The following RPH3A variants were observed in gnomAD, a reference collection of about 807,000 sequenced individuals.
The protein encoded by RPH3A is rabphilin 3A, also known as rabphilin-3A.
Under a neutral mutation model 102.2 loss-of-function variants are expected in RPH3A, and 48 were observed. That is an observed-to-expected ratio of 0.47 (90% confidence interval 0.37 to 0.60). The LOEUF (loss-of-function observed/expected upper bound fraction) is 0.60, where lower values mean the gene tolerates loss of function less well. RPH3A is among the 20% of genes least tolerant of loss of function. The pLI, the probability that RPH3A is intolerant of heterozygous loss-of-function variation, is 0.00. For missense variants in RPH3A, 781 were observed against 910.1 expected, an observed-to-expected ratio of 0.86 and a Z score of 1.83; for synonymous variants, 310 against 324.3, an observed-to-expected ratio of 0.96 and a Z score of 0.47.
At chr12:112,891,773 G>C (rs547588975) in intron 19 of RPH3A, among the ~76,000 whole-genome samples, 2 of 152,338 alleles carry the variant, frequency 1.3e-5, no homozygotes, top group East Asian at 3.9e-4. Flanking sequence ...CCAGTCATTG[G>C]CTGGGAGCAT....
chr12:112,875,037 G>A (rs1448603749), intron 10 of RPH3A, 47 bp from the exon 11 acceptor site: 3 of 1,487,936 alleles, frequency 2.0e-6, no homozygotes, highest in East Asian at 2.4e-5. Flanking sequence ...CCTGCTGTGT[G>A]TGTGTGTGTG....
At chr12:112,755,727 CT>C (rs1380738278) in intron 1 of RPH3A, among the ~76,000 whole-genome samples, 1 of 151,996 alleles carries the variant, frequency 6.6e-6, no homozygotes, top group Non-Finnish European at 1.5e-5. Context: ...TGAGCCCTGC[CT>C]TTTCATGAGC....
At chr12:112,805,660 C>CA (rs374062542) in intron 2 of RPH3A, among the ~76,000 whole-genome samples, 58 of 152,286 alleles carry the variant, frequency 3.8e-4, no homozygotes, top group African/African-American at 1.3e-3. Context: ...ATTCCTAAGA[C>CA]AGAGTTTGCT....
At chr12:112,754,952 T>C (rs2040812089) in intron 1 of RPH3A, among the ~76,000 whole-genome samples, 1 of 152,188 alleles carries the variant, frequency 6.6e-6, no homozygotes, top group Non-Finnish European at 1.5e-5. Context: ...GCTTCCCAGG[T>C]GGTTCTGGTG....
intron 13 of RPH3A, among the ~76,000 whole-genome samples, chr12:112,877,782 T>C (rs964700292): frequency 1.3e-5 from 2 of 152,222 alleles, no homozygotes; most frequent in Admixed American, 1.3e-4. Flanking sequence ...CATTATTACA[T>C]AGTGCTAAAC....
intron 15 of RPH3A, among the ~76,000 whole-genome samples, chr12:112,882,160 C>G (rs2042925837): frequency 1.3e-5 from 2 of 152,148 alleles, no homozygotes; most frequent in Admixed American, 1.3e-4. Flanking sequence ...CCACTGCTGA[C>G]TCTGGCTCAC....
rs1475725737 is a variant in RPH3A at position 112,883,400 on chromosome 12, C to G, written c.1434C>G (p.Leu478=). Residue 478 remains leucine (L), a splice_region_variant and synonymous_variant, in exon 16 of 22, where the codon CTC becomes CTG. Coordinates refer to ENST00000389385, the MANE Select transcript of RPH3A (RefSeq NM_001143854.2). The part of the protein sequence containing the change: ...ITDEDMQRKT[L]RISVCDEDKF... ...ATGAGGACATGCAAAGGAAGACCCT[C>G]AGGTACCTGGCAGGCAGAGGGCAGA... 6.2e-7 allele frequency: 1 copy of G among 1,612,232 alleles called. No individual in the cohort carries two copies. The highest frequency in any genetic ancestry group is 2.2e-5 in the East Asian group (1 of 44,870).
chr12:112,831,791 GTGT>G (rs1208981837), intron 3 of RPH3A: 3 of 455,930 alleles, frequency 6.6e-6, no homozygotes, highest in Non-Finnish European at 1.3e-5. Context: ...GTGCTTTCAA[GTGT>G]CTGTTAAGAG....
At chr12:112,627,895 T>A (rs927438137) in intron 1 of RPH3A, among the ~76,000 whole-genome samples, 5 of 148,028 alleles carry the variant, frequency 3.4e-5, no homozygotes, top group African/African-American at 1.0e-4. Flanking sequence ...ACAGGAAGCA[T>A]GGCTGGGGAA....
intron 1 of RPH3A, among the ~76,000 whole-genome samples, chr12:112,652,431 C>T (rs2039981165): frequency 1.3e-5 from 2 of 152,110 alleles, no homozygotes; most frequent in Admixed American, 1.3e-4. Context: ...GATCGTGCCA[C>T]TATATTCCAG....
intron 1 of RPH3A, among the ~76,000 whole-genome samples, chr12:112,606,254 T>C (rs1371924039): frequency 1.3e-5 from 2 of 152,250 alleles, no homozygotes; most frequent in Non-Finnish European, 2.9e-5. Context: ...TACTAGAATT[T>C]ACCACTTACC....
intron 1 of RPH3A, among the ~76,000 whole-genome samples, chr12:112,670,043 T>C (rs1397879497): frequency 1.3e-5 from 2 of 152,242 alleles, no homozygotes; most frequent in East Asian, 3.8e-4. Context: ...ACTATTTCTG[T>C]AGAATTTATT....
At chr12:112,642,821 G>C (rs2039900301) in intron 1 of RPH3A, among the ~76,000 whole-genome samples, 1 of 152,138 alleles carries the variant, frequency 6.6e-6, no homozygotes, top group Admixed American at 6.5e-5. Flanking sequence ...AATTCCATAA[G>C]GTGTGTTCTA....
chr12:112,584,849 A>G (rs1218057031), intron 1 of RPH3A, among the ~76,000 whole-genome samples: 1 of 152,212 alleles, frequency 6.6e-6, no homozygotes, highest in Admixed American at 6.5e-5. Flanking sequence ...CAGGATTAAT[A>G]GGATAGATGT....
intron 3 of RPH3A, among the ~76,000 whole-genome samples, chr12:112,834,375 T>A (rs1349106185): frequency 6.6e-6 from 1 of 152,264 alleles, no homozygotes; most frequent in African/African-American, 2.4e-5. Context: ...ATTTACTCAT[T>A]TATCCGTTGA....
chr12:112,651,180 C>A (rs569405517), intron 1 of RPH3A, among the ~76,000 whole-genome samples: 4 of 151,382 alleles, frequency 2.6e-5, no homozygotes, highest in Non-Finnish European at 5.9e-5. Context: ...GGCAACATGG[C>A]GAAACCCCGT....
chr12:112,787,152 C>T (rs2041056868), upstream of RPH3A, among the ~76,000 whole-genome samples: 1 of 152,186 alleles, frequency 6.6e-6, no homozygotes, highest in African/African-American at 2.4e-5. Context: ...ACATTGGATT[C>T]ACCCAAATAG....
At chr12:112,635,259 A>G (rs533028842) in intron 1 of RPH3A, among the ~76,000 whole-genome samples, 3 of 152,306 alleles carry the variant, frequency 2.0e-5, no homozygotes, top group Admixed American at 6.5e-5. Flanking sequence ...GGATTGGCCT[A>G]TGGGCTGTTG....
At chr12:112,766,887 C>T (rs1040859612) in intron 1 of RPH3A, among the ~76,000 whole-genome samples, 2 of 152,176 alleles carry the variant, frequency 1.3e-5, no homozygotes, top group Admixed American at 6.5e-5. Flanking sequence ...TGACTGGACC[C>T]AGGTGAGTGG....
Sources: allele counts gnomAD v4.1 joint callset (sites outside exome capture counted in the v4.1 genomes callset), GRCh38; gene constraint gnomAD v4.1.1; transcripts MANE v1.5; gene names NCBI Gene and HGNC (gene_info 2026-07-23, HGNC 2026-07-21).